GPR19: variants seen among roughly 807,000 people sequenced by gnomAD.
GPR19 encodes the protein probable G protein-coupled receptor 19.
Under a neutral mutation model 28.5 loss-of-function variants are expected in GPR19, and 14 were observed. The ratio of observed to expected loss-of-function variants is 0.49; its 90% CI spans 0.32 to 0.77. The LOEUF (loss-of-function observed/expected upper bound fraction) is 0.77, where lower values mean the gene tolerates loss of function less well. GPR19 is among the 30% of genes least tolerant of loss of function. The probability of loss-of-function intolerance (pLI) is 0.03; values close to 1 mark genes in which losing one functional copy is unlikely to be tolerated. For missense variants in GPR19, 409 were observed against 504.1 expected (o/e 0.81, Z 1.81); for synonymous variants, 173 against 184.1 (o/e 0.94, Z 0.49).
chr12:12,664,776 C>A (rs1224380797), intron 3 of GPR19, among the ~76,000 whole-genome samples: 2 of 151,764 alleles, frequency 1.3e-5, no homozygotes, highest in East Asian at 3.9e-4. Context: ...AAAGATTAGC[C>A]GGGCGTGGTG....
At chr12:12,666,150 CT>C (rs1477586635) in intron 3 of GPR19, among the ~76,000 whole-genome samples, 2 of 152,184 alleles carry the variant, frequency 1.3e-5, no homozygotes, top group East Asian at 3.9e-4. Context: ...TTTTGGGGCC[CT>C]TTTCCCCTCA....
rs1416935976 is a variant in GPR19, at chr12:12,661,339, GT to G, written c.1109del (p.Asn370ThrfsTer59). On this transcript the variant is annotated frameshift_variant, in exon 4 of 4. Coordinates refer to ENST00000651487, the MANE Select transcript of GPR19 (RefSeq NM_006143.3). LOFTEE classifies it high-confidence loss of function. The surrounding 1 kb of genome is among the most constrained non-coding windows in gnomAD (Gnocchi z 4.2). Reference sequence around the variant, plus strand: ...AAGGGATTTCTGAAATGCCAACGTAGTTTTTTTTGGCCATCCTTGAACTTGT... The same window carrying G: ...AAGGGATTTCTGAAATGCCAACGTAGTTTTTTTGGCCATCCTTGAACTTGT... ...ITTSSRMAKKNYVGISEIPSM... is the reference protein window; with the variant it reads ...ITTSSRMAKKXYVGISEIPSM... 6 of 1,612,696 alleles carry G rather than the reference GT, an allele frequency of 3.7e-6. No individual in the cohort carries two copies. The highest frequency in any genetic ancestry group is 1.7e-5 in the Admixed American group (1 of 59,980).
At chr12:12,671,025 A>G (rs915613629) in intron 3 of GPR19, among the ~76,000 whole-genome samples, 3 of 152,046 alleles carry the variant, frequency 2.0e-5, no homozygotes, top group Admixed American at 6.6e-5. Flanking sequence ...AATTATTTCC[A>G]TTAGAGGCTG....
chr12:12,713,118 G>A, the GPR19 span, among the ~76,000 whole-genome samples: 58 of 145,982 alleles, frequency 4.0e-4, no homozygotes, highest in Non-Finnish European at 7.1e-4. Flanking sequence ...GGGCTGGAGT[G>A]CAGTGGCACG....
In GPR19 at chr12:12,662,067, T is replaced by C. The variant is rs1945683555; in HGVS notation, c.382A>G (p.Thr128Ala). 6.2e-7 allele frequency: 1 copy of C among 1,614,074 alleles called. No individual in the cohort carries two copies. The highest frequency in any genetic ancestry group is 1.3e-5 in the African/African-American group (1 of 74,924). The change falls in exon 4 of 4, where the codon ACT becomes GCT. Residue 128 changes from threonine (T) to alanine (A), a missense_variant. Transcript: ENST00000651487. ...GCACTACCCAGCGTCCACCTTCCAG[T>C]GGTGAACTGGAGCAGGACGAAAGGC... ...STPFVLLQFT[T>A]GRWTLGSATC... is the part of the protein sequence containing the mutation.
At chr12:12,699,292 A>T (rs1946301559), upstream of GPR19, among the ~76,000 whole-genome samples, 1 of 152,102 alleles carries the variant, frequency 6.6e-6, no homozygotes, top group African/African-American at 2.4e-5. Context: ...CAGTGAGCCG[A>T]GATCGTGCCA....
intron 2 of GPR19, among the ~76,000 whole-genome samples, chr12:12,692,694 GTT>G (rs1344477479): frequency 6.9e-6 from 1 of 145,426 alleles, no homozygotes; most frequent in Non-Finnish European, 1.5e-5. Flanking sequence ...AATTATAGTT[GTT>G]TTTTTTGTTT....
At chr12:12,710,950 T>C in the GPR19 span, among the ~76,000 whole-genome samples, 1 of 152,206 alleles carries the variant, frequency 6.6e-6, no homozygotes, top group African/African-American at 2.4e-5. Context: ...ATTCTTCACC[T>C]TCCCTATTCC....
rs187705416 is a variant in GPR19 at position 12,694,977 on chromosome 12, T to A, written c.-180+482A>T. ...ATGAAGTCACTTTCTTGGTAAGTGA[T>A]TACCATGCCTGGCTCTTTACTGAAG... is the stretch of plus-strand genomic sequence containing the variant. On this transcript the variant is annotated intron_variant, in intron 2 of 3. Transcript: ENST00000651487. 4.9e-4 allele frequency among the ~76,000 whole-genome samples: 75 copies of A among 152,362 alleles called. No individual in the cohort carries two copies. In the East Asian group the frequency reaches 0.011, roughly 22 times the overall value.
chr12:12,668,217 TA>T (rs1480838880), intron 3 of GPR19, among the ~76,000 whole-genome samples: 1 of 152,212 alleles, frequency 6.6e-6, no homozygotes, highest in African/African-American at 2.4e-5. Context: ...AAATTCTTTT[TA>T]AAAAATGCCT....
chr12:12,691,248 G>T (rs1442240639), intron 2 of GPR19, among the ~76,000 whole-genome samples: 1 of 152,178 alleles, frequency 6.6e-6, no homozygotes, highest in Admixed American at 6.5e-5. Context: ...AGGGAGGAAT[G>T]ACTGATAGAT....
intron 3 of GPR19, among the ~76,000 whole-genome samples, chr12:12,666,702 C>G (rs719840): frequency 1.3e-5 from 2 of 152,180 alleles, no homozygotes; most frequent in Non-Finnish European, 2.9e-5. Context: ...ATTGCTTATT[C>G]GATGTTTACT....
rs774826610 is a variant in GPR19, at chr12:12,695,473, G to A, written c.-194C>T. On this transcript the variant is annotated 5_prime_UTR_variant, in exon 2 of 4. Coordinates refer to ENST00000651487, the MANE Select transcript of GPR19 (RefSeq NM_006143.3). ...TTGGGTGGTACCTTTAAGATGTTGC[G>A]GGGCCAAATCCAATGCCGGTGCAGG... is the stretch of plus-strand genomic sequence containing the variant. The A allele has an allele frequency of 3.3e-5, 5 of 152,218 alleles. No individual in the cohort carries two copies. Among genetic ancestry groups the A allele is most frequent in the Non-Finnish European group, 7.3e-5 (5 of 68,070 alleles). 9.4% of individuals were successfully genotyped at this position (152,218 alleles called of 1,614,324 possible).
chr12:12,687,524 G>A (rs1946114383), intron 2 of GPR19, among the ~76,000 whole-genome samples: 1 of 152,176 alleles, frequency 6.6e-6, no homozygotes, highest in Admixed American at 6.5e-5. Flanking sequence ...CTGGTTCTTG[G>A]TTTCCACTTA....
At chr12:12,663,487 C>T (rs1196447876) in intron 3 of GPR19, among the ~76,000 whole-genome samples, 1 of 150,222 alleles carries the variant, frequency 6.7e-6, no homozygotes, top group Non-Finnish European at 1.5e-5. Flanking sequence ...ATAAAGCTTA[C>T]AAATCTTAGA....
At chr12:12,680,582 C>T (rs1317974916) in intron 3 of GPR19, among the ~76,000 whole-genome samples, 1 of 152,160 alleles carries the variant, frequency 6.6e-6, no homozygotes, top group African/African-American at 2.4e-5. Flanking sequence ...TCACCGCTCA[C>T]TGCACCCTCA....
At chr12:12,701,764 C>G in the GPR19 span, among the ~76,000 whole-genome samples, 1 of 151,890 alleles carries the variant, frequency 6.6e-6, no homozygotes, top group Non-Finnish European at 1.5e-5. Context: ...AATCCTGGCT[C>G]TACAAAATAT....
At chr12:12,715,518 C>T in the GPR19 span, among the ~76,000 whole-genome samples, 18,008 of 152,196 alleles carry the variant, frequency 0.12, 1,369 homozygotes, top group Admixed American at 0.24. Flanking sequence ...AGGCTCAAGA[C>T]AGCTGCATTT....
intron 2 of GPR19, among the ~76,000 whole-genome samples, chr12:12,694,188 C>CT (rs147543699): frequency 0.022 from 953 of 43,824 alleles, 222 homozygotes; most frequent in African/African-American, 0.047. Flanking sequence ...GAGTACCTGT[C>CT]TTTTTTTTTT....
Sources: allele counts gnomAD v4.1 joint callset (sites outside exome capture counted in the v4.1 genomes callset), GRCh38; gene constraint gnomAD v4.1.1; non-coding constraint Gnocchi (gnomAD v3.1); transcripts MANE v1.5; gene names NCBI Gene and HGNC (gene_info 2026-07-23, HGNC 2026-07-21).